The following ETV7 variants were observed in gnomAD, a reference collection of about 807,000 sequenced individuals.
ETV7 encodes the protein ETS variant transcription factor 7, also known as transcription factor ETV7.
A neutral mutation model predicts 39.1 loss-of-function variants in ETV7; 43 were observed. The observed-to-expected ratio is 1.10, with a 90% CI of 0.86 to 1.42. ETV7 has a LOEUF of 1.42. Among genes scored for constraint, ETV7 ranks in the 40% most tolerant of loss-of-function variants. The probability of loss-of-function intolerance (pLI) is 0.00; values close to 1 mark genes in which losing one functional copy is unlikely to be tolerated. For missense variants in ETV7, 432 were observed against 442.3 expected, an observed-to-expected ratio of 0.98 and a Z score of 0.21; for synonymous variants, 196 against 176.6, an observed-to-expected ratio of 1.11 and a Z score of -0.87.
intron 7 of ETV7, among the ~76,000 whole-genome samples, chr6:36,355,026 T>C (rs1387204577): frequency 1.3e-5 from 2 of 152,370 alleles, no homozygotes; most frequent in African/African-American, 4.8e-5. Flanking sequence ...TTAGTTCTCA[T>C]AGTTTTTTTA....
In ETV7 at chr6:36,371,370, G is replaced by A. The variant is rs143723756; in HGVS notation, c.624C>T (p.Phe208=). 6 of 1,600,818 alleles carry A rather than the reference G, an allele frequency of 3.7e-6. No individual in the cohort carries two copies. Among genetic ancestry groups the A allele is most frequent in the Non-Finnish European group, 4.3e-6 (5 of 1,172,832 alleles). The change falls in exon 5 of 8, where the codon TTC becomes TTT. Residue 208 remains phenylalanine, a synonymous_variant. Transcript: ENST00000340181. ...LGCRTQGVCS[F]PAMPQAPIDG... is the part of the protein sequence containing the mutation. The stretch of plus-strand genomic sequence containing the variant: ...CAATGGGGGCCTGCGGCATCGCGGG[G>A]AAGGAACAGACCCCCTGGGTCCTGC...
chr6:36,373,110 G>A (rs146870466), intron 4 of ETV7, among the ~76,000 whole-genome samples: 5 of 152,174 alleles, frequency 3.3e-5, no homozygotes, highest in Non-Finnish European at 7.4e-5. Context: ...AGAGACCACA[G>A]TAAATCAGGA....
chr6:36,377,487 T>C (rs999366419), intron 2 of ETV7, among the ~76,000 whole-genome samples: 4 of 151,962 alleles, frequency 2.6e-5, no homozygotes, highest in African/African-American at 9.7e-5. Context: ...TTAAATCCTA[T>C]TTTATGACTG....
intron 1 of ETV7, among the ~76,000 whole-genome samples, chr6:36,387,168 C>A (rs1040222628): frequency 6.6e-6 from 1 of 152,136 alleles, no homozygotes; most frequent in Non-Finnish European, 1.5e-5. Context: ...TAAAGAGGGG[C>A]TCCCTGCGAG....
At chr6:36,374,014 C>T (rs548728879) in intron 3 of ETV7, among the ~76,000 whole-genome samples, 5 of 152,306 alleles carry the variant, frequency 3.3e-5, no homozygotes, top group African/African-American at 1.2e-4. Flanking sequence ...GCAAAGCTGT[C>T]TTAGCCTCTT....
chr6:36,354,089 T>C (rs983968646), downstream of ETV7: 1 of 152,168 alleles, frequency 6.6e-6, no homozygotes, highest in African/African-American at 2.4e-5. Flanking sequence ...TTTGCCCAAT[T>C]TGGGGTTTTT....
At chr6:36,355,902 G>T (rs72848600) in intron 7 of ETV7, among the ~76,000 whole-genome samples, 7,570 of 152,232 alleles carry the variant, frequency 0.05, 238 homozygotes, top group Middle Eastern at 0.088. Context: ...AACAAAGGAC[G>T]TCTTAAAAAC....
At chr6:36,363,688 T>C (rs1408251766), downstream of ETV7, among the ~76,000 whole-genome samples, 1 of 152,208 alleles carries the variant, frequency 6.6e-6, no homozygotes, top group Non-Finnish European at 1.5e-5. Flanking sequence ...TGCTGATTGG[T>C]AGAGCCCAGT....
At chr6:36,375,520 T>A (rs1348049760) in intron 3 of ETV7, among the ~76,000 whole-genome samples, 1 of 152,206 alleles carries the variant, frequency 6.6e-6, no homozygotes, top group Non-Finnish European at 1.5e-5. Flanking sequence ...GAATATTTGA[T>A]CTTTCTCTAG....
At chr6:36,378,828 CG>C in intron 2 of ETV7, among the ~76,000 whole-genome samples, 1 of 152,246 alleles carries the variant, frequency 6.6e-6, no homozygotes, top group Admixed American at 6.5e-5. Context: ...CAAATGTCCC[CG>C]GGGGGAAAGG....
In ETV7 at chr6:36,373,485, G is replaced by A. The variant is rs776146860; in HGVS notation, c.401C>T (p.Thr134Met). Residue 134 changes from threonine to methionine, a missense_variant, in exon 4 of 8, where the codon ACG becomes ATG. Physicochemically the swap from Thr to Met is moderately conservative, Grantham distance 81. Transcript: ENST00000340181. ...PFFGGIFRLK[T>M]PTQHSPVPPE... Reference sequence around the variant, plus strand: ...GGGGACTGGAGAGTGCTGGGTGGGCGTCTTCAGCCTGAAGATCCCTCCAAA... The same window carrying A: ...GGGGACTGGAGAGTGCTGGGTGGGCATCTTCAGCCTGAAGATCCCTCCAAA... 32 of 1,577,346 alleles carry A rather than the reference G, an allele frequency of 2.0e-5. No individual in the cohort carries two copies. Among genetic ancestry groups the A allele is most frequent in the Middle Eastern group, 1.7e-4 (1 of 5,916 alleles).
intron 4 of ETV7, among the ~76,000 whole-genome samples, chr6:36,372,438 G>A (rs1283210871): frequency 6.6e-6 from 1 of 152,068 alleles, no homozygotes; most frequent in Non-Finnish European, 1.5e-5. Context: ...GACGTGACCT[G>A]ACTTCTGAAA....
intron 4 of ETV7, among the ~76,000 whole-genome samples, chr6:36,372,451 C>T (rs1038844154): frequency 6.6e-6 from 1 of 151,958 alleles, no homozygotes; most frequent in Non-Finnish European, 1.5e-5. Context: ...TTCTGAAACT[C>T]TCTGTGCTGT....
intron 1 of ETV7, among the ~76,000 whole-genome samples, chr6:36,387,283 C>T (rs1002651796): frequency 6.6e-6 from 1 of 152,022 alleles, no homozygotes; most frequent in African/African-American, 2.4e-5. Context: ...GCGGAAAGGG[C>T]CCGCAGGGGC....
chr6:36,373,947 GT>G (rs139811729), intron 3 of ETV7, among the ~76,000 whole-genome samples: 225 of 152,360 alleles, frequency 1.5e-3, no homozygotes, highest in African/African-American at 4.9e-3. Flanking sequence ...AGCAGAGACA[GT>G]TCTAAGGCTC....
chr6:36,371,989 G>A (rs2127391094), intron 4 of ETV7, among the ~76,000 whole-genome samples: 2 of 152,346 alleles, frequency 1.3e-5, no homozygotes, highest in Non-Finnish European at 2.9e-5. Flanking sequence ...TTATATGCTA[G>A]TTGAGAGCAG....
chr6:36,376,570 GA>G (rs1561912026), intron 2 of ETV7, among the ~76,000 whole-genome samples: 2 of 152,108 alleles, frequency 1.3e-5, no homozygotes, highest in South Asian at 2.1e-4. Flanking sequence ...AAAGTCAGGA[GA>G]TTCAAACCAT....
rs546392528 is a variant in ETV7 at position 36,385,538 on chromosome 6, T to C, written c.138A>G (p.Arg46=). 64 of 1,614,130 alleles carry C rather than the reference T, an allele frequency of 4.0e-5. 1 individual carries two copies. The African/African-American group carries it at 6.4e-4, about 16-fold the overall frequency. Reference sequence around the variant, plus strand: ...TTTCTCCTCCCCTCTACTTACGGAGTCTTCCTGGCAGCTTGCAGATCCCCC... The same window carrying C: ...TTTCTCCTCCCCTCTACTTACGGAGCCTTCCTGGCAGCTTGCAGATCCCCC... ...GEGGICKLPG[R]LRIQPALWSR... Residue 46 remains arginine (R), a synonymous_variant, in exon 2 of 8, where the codon AGA becomes AGG. Coordinates refer to ENST00000340181, the MANE Select transcript of ETV7 (RefSeq NM_016135.4).
At chr6:36,373,608 G>C in intron 3 of ETV7, 30 bp from the exon 4 acceptor site, 1 of 1,523,174 alleles carries the variant, frequency 6.6e-7, no homozygotes, top group Non-Finnish European at 8.8e-7. Flanking sequence ...AGGGCAGGCT[G>C]CTGAACAGGC....
Sources: allele counts gnomAD v4.1 joint callset (sites outside exome capture counted in the v4.1 genomes callset), GRCh38; gene constraint gnomAD v4.1.1; transcripts MANE v1.5; gene names NCBI Gene and HGNC (gene_info 2026-07-23, HGNC 2026-07-21).